The following PTPRD variants were observed in gnomAD, a reference collection of about 807,000 sequenced individuals.
PTPRD encodes protein tyrosine phosphatase receptor type D.
PTPRD carries 34 observed loss-of-function variants against 214.5 expected under a neutral mutation model. The ratio of observed to expected loss-of-function variants is 0.16; its 90% CI spans 0.12 to 0.21. The LOEUF (loss-of-function observed/expected upper bound fraction) is 0.21. PTPRD is among the 10% of genes least tolerant of loss of function. The pLI is 1.00. For synonymous variants in PTPRD, 1,128 were observed against 845.7 expected (o/e 1.33, Z -5.79); for missense variants, 2,545 against 2,398.7 (o/e 1.06, Z -1.27).
At chr9:10,125,441 A>G (rs1424113066) in intron 3 of PTPRD, among the ~76,000 whole-genome samples, 2 of 87,670 alleles carry the variant, frequency 2.3e-5, no homozygotes, top group East Asian at 3.0e-4. Context: ...TATTATTATT[A>G]TTATTATTAT....
At chr9:10,017,815 T>C (rs1224819446) in intron 4 of PTPRD, among the ~76,000 whole-genome samples, 1 of 152,118 alleles carries the variant, frequency 6.6e-6, no homozygotes, top group African/African-American at 2.4e-5. Context: ...TTTTCAAGAA[T>C]GTCTTGATGA....
intron 10 of PTPRD, chr9:9,091,334 T>A: frequency 3.7e-6 from 3 of 800,524 alleles, no homozygotes; most frequent in Non-Finnish European, 6.4e-6. Context: ...TTTCTTTAAA[T>A]AGCTGCGTAT....
intron 35 of PTPRD, among the ~76,000 whole-genome samples, chr9:8,408,093 C>T (rs2093180327): frequency 6.6e-6 from 1 of 152,156 alleles, no homozygotes; most frequent in Non-Finnish European, 1.5e-5. Flanking sequence ...TGTTCTCAGG[C>T]TTCTCTTGCT....
intron 11 of PTPRD, among the ~76,000 whole-genome samples, chr9:8,858,850 G>GACAC (rs369671688): frequency 2.1e-5 from 3 of 141,176 alleles, no homozygotes; most frequent in Non-Finnish European, 4.7e-5. Context: ...CAGACACACA[G>GACAC]ACACACACAC....
rs59780411 is a variant in PTPRD, at chr9:9,840,761, CAAAAAAAAAAAAAAAAAAAAAAAAAAAAA to C, written c.-367-73939_-367-73911del. ...CTGGCGACAGAGCAAGACTCCGTTT[CAAAAAAAAAAAAAAAAAAAAAAAAAAAAA>C]AAAAAAAAACAGAAAGGGGAAGGGA... On this transcript the variant is annotated intron_variant, in intron 5 of 45. Transcript: ENST00000381196. 9.7e-5 allele frequency among the ~76,000 whole-genome samples: 6 copies of C among 61,624 alleles called. 1 individual carries two copies. The highest frequency in any genetic ancestry group is 2.2e-4 in the African/African-American group (3 of 13,450). 40.4% of individuals were successfully genotyped at this position (61,624 alleles called of 152,430 possible).
intron 3 of PTPRD, among the ~76,000 whole-genome samples, chr9:10,265,284 G>C (rs1489743429): frequency 6.6e-6 from 1 of 152,166 alleles, no homozygotes; most frequent in Non-Finnish European, 1.5e-5. Flanking sequence ...GTCTGGGCTA[G>C]CCTGTACAAA....
chr9:8,611,667 C>T (rs138973937), intron 14 of PTPRD, among the ~76,000 whole-genome samples: 1 of 150,984 alleles, frequency 6.6e-6, no homozygotes, highest in East Asian at 2.0e-4. Context: ...TGTGATCCAG[C>T]CACTGCACTC....
chr9:9,366,928 A>G (rs779682256), intron 9 of PTPRD, among the ~76,000 whole-genome samples: 1 of 151,280 alleles, frequency 6.6e-6, no homozygotes, highest in Non-Finnish European at 1.5e-5. Context: ...TCTCTTCACT[A>G]TGTATAACTG....
intron 3 of PTPRD, among the ~76,000 whole-genome samples, chr9:10,323,908 A>G (rs114710389): frequency 0.013 from 1,937 of 152,164 alleles, 44 homozygotes; most frequent in African/African-American, 0.044. Context: ...GAGGGACAGA[A>G]TAGAAGAGCA....
intron 9 of PTPRD, among the ~76,000 whole-genome samples, chr9:9,273,636 G>C (rs911424558): frequency 1.3e-5 from 2 of 151,206 alleles, no homozygotes; most frequent in Non-Finnish European, 3.0e-5. Flanking sequence ...ATGTACTCTA[G>C]AGTGTCTACC....
At chr9:10,164,616 C>T (rs1002398437) in intron 3 of PTPRD, among the ~76,000 whole-genome samples, 2 of 151,636 alleles carry the variant, frequency 1.3e-5, no homozygotes, top group East Asian at 1.9e-4. Context: ...TGATTTGCAT[C>T]GTCCTTATAA....
At chr9:9,632,105 T>C (rs984887099) in intron 7 of PTPRD, among the ~76,000 whole-genome samples, 75 of 152,316 alleles carry the variant, frequency 4.9e-4, no homozygotes, top group African/African-American at 1.8e-3. Context: ...TATGTGTACA[T>C]TCATAGCAGC....
At chr9:8,860,561 A>G (rs888710857) in intron 11 of PTPRD, 1 of 152,200 alleles carries the variant, frequency 6.6e-6, no homozygotes, top group Middle Eastern at 3.2e-3. Flanking sequence ...GATACAGCAA[A>G]TAGAGAAGCC....
At chr9:9,303,730 G>C (rs898388204) in intron 9 of PTPRD, among the ~76,000 whole-genome samples, 3 of 152,104 alleles carry the variant, frequency 2.0e-5, no homozygotes, top group South Asian at 2.1e-4. Flanking sequence ...CATGGTACTT[G>C]AGGGAATCCT....
intron 11 of PTPRD, among the ~76,000 whole-genome samples, chr9:8,989,238 C>T (rs1442386620): frequency 1.3e-5 from 2 of 151,950 alleles, no homozygotes; most frequent in Non-Finnish European, 2.9e-5. Context: ...TTCTCTTCTA[C>T]TTGTTTTGAA....
intron 2 of PTPRD, among the ~76,000 whole-genome samples, chr9:10,530,060 T>C (rs1027978439): frequency 3.9e-5 from 6 of 152,130 alleles, no homozygotes; most frequent in Non-Finnish European, 7.4e-5. Flanking sequence ...ATCCCAGAAC[T>C]TAAGATTAAA....
intron 10 of PTPRD, among the ~76,000 whole-genome samples, chr9:9,066,320 TA>T (rs1367847320): frequency 6.6e-6 from 1 of 152,126 alleles, no homozygotes; most frequent in Non-Finnish European, 1.5e-5. Context: ...GAGAATGTTT[TA>T]AAAAACATAT....
At chr9:9,255,343 T>G (rs1272291501) in intron 9 of PTPRD, among the ~76,000 whole-genome samples, 1 of 152,068 alleles carries the variant, frequency 6.6e-6, no homozygotes, top group African/African-American at 2.4e-5. Flanking sequence ...CATTTGCTTC[T>G]TAAGGTGACC....
At chr9:10,017,492 G>C (rs2096745348) in intron 4 of PTPRD, among the ~76,000 whole-genome samples, 1 of 151,978 alleles carries the variant, frequency 6.6e-6, no homozygotes, top group Non-Finnish European at 1.5e-5. Context: ...AGCAAAGCTT[G>C]TCTTAGAATC....
Sources: allele counts gnomAD v4.1 joint callset (sites outside exome capture counted in the v4.1 genomes callset), GRCh38; gene constraint gnomAD v4.1.1; transcripts MANE v1.5; gene names NCBI Gene and HGNC (gene_info 2026-07-23, HGNC 2026-07-21).